The following SLC44A1 variants were observed in gnomAD, a reference collection of about 807,000 sequenced individuals.
SLC44A1 encodes solute carrier family 44 member 1.
In SLC44A1, 26 loss-of-function variants were observed where a neutral mutation model predicts 79.3. The observed-to-expected ratio is 0.33, with a 90% CI of 0.24 to 0.46. SLC44A1 has a LOEUF of 0.46. Ranked by LOEUF, SLC44A1 falls within the 20% of genes least tolerant of loss-of-function variation. SLC44A1 has a pLI of 1.00. For synonymous variants in SLC44A1, 263 were observed against 286.2 expected, an observed-to-expected ratio of 0.92 and a Z score of 0.82; for missense variants, 688 against 798.1, an observed-to-expected ratio of 0.86 and a Z score of 1.66.
chr9:105,336,774 C>T (rs1826937733), intron 4 of SLC44A1, among the ~76,000 whole-genome samples: 1 of 152,198 alleles, frequency 6.6e-6, no homozygotes, highest in African/African-American at 2.4e-5. Flanking sequence ...TGCAGCCTCC[C>T]AGGCTGGCAG....
Position 105,391,151 on chromosome 9 carries a change from G to T in SLC44A1, c.*2095G>T, listed in dbSNP as rs1418227036. ...CAATTTTAAGAGGTGTCCCTCCAAAGTGACCTGATGGAAGTCCTGAACTTG... is the reference window on the plus strand; with the variant it reads ...CAATTTTAAGAGGTGTCCCTCCAAATTGACCTGATGGAAGTCCTGAACTTG... On this transcript the variant is annotated 3_prime_UTR_variant, in exon 16 of 16. Coordinates refer to ENST00000374720, the MANE Select transcript of SLC44A1 (RefSeq NM_080546.5). 2.0e-5 allele frequency: 20 copies of T among 985,584 alleles called. No homozygotes were observed. The allele number at this position is 985,584 out of a possible 1,614,324, so 61.1% of individuals were successfully genotyped here.
rs1055936395 is a variant in SLC44A1, at chr9:105,396,425, G to A, written c.*7369G>A. The A allele has an allele frequency of 1.0e-6, 1 of 985,320 alleles. No homozygotes were observed. The highest frequency in any genetic ancestry group is 1.7e-5 in the African/African-American group (1 of 57,240). The allele number at this position is 985,320 out of a possible 1,614,324, so 61.0% of individuals were successfully genotyped here. A position where few individuals can be genotyped will look rare whatever the true frequency, so the allele number is the denominator to read the frequency against. On this transcript the variant is annotated 3_prime_UTR_variant, in exon 16 of 16. Transcript: ENST00000374720. ...CAAAGACAAAACCCTATCTTCTGAA[G>A]ACCAAAGGTCCAACTTTACTTACTG... is the stretch of plus-strand genomic sequence containing the variant.
intron 3 of SLC44A1, among the ~76,000 whole-genome samples, chr9:105,312,889 T>A (rs1831218432): frequency 6.6e-6 from 1 of 152,154 alleles, no homozygotes; most frequent in Non-Finnish European, 1.5e-5. Flanking sequence ...ATTAAGTTGT[T>A]TAAAATAGGG....
chr9:105,297,444 C>T (rs572105061), intron 1 of SLC44A1, among the ~76,000 whole-genome samples: 31 of 152,182 alleles, frequency 2.0e-4, no homozygotes, highest in Non-Finnish European at 3.4e-4. Context: ...AGTGCAATGG[C>T]GCGATTTTGG....
intron 4 of SLC44A1, among the ~76,000 whole-genome samples, chr9:105,341,803 C>T (rs1588803178): frequency 6.6e-6 from 1 of 152,214 alleles, no homozygotes; most frequent in Non-Finnish European, 1.5e-5. Flanking sequence ...AATTGTTCTC[C>T]AGTCTAACCA....
intron 1 of SLC44A1, among the ~76,000 whole-genome samples, chr9:105,266,564 G>T (rs1829966951): frequency 6.6e-6 from 1 of 152,126 alleles, no homozygotes; most frequent in Non-Finnish European, 1.5e-5. Context: ...TATTGACAAA[G>T]ACTATGTTTT....
intron 1 of SLC44A1, among the ~76,000 whole-genome samples, chr9:105,245,666 A>G (rs7039638): frequency 0.041 from 6,272 of 152,282 alleles, 441 homozygotes; most frequent in African/African-American, 0.14. Flanking sequence ...TTGCCAGTGT[A>G]ACAGGAGGAA....
chr9:105,346,918 A>G (rs1340203515), intron 4 of SLC44A1, among the ~76,000 whole-genome samples: 4 of 152,104 alleles, frequency 2.6e-5, no homozygotes, highest in Non-Finnish European at 5.9e-5. Context: ...TTATCATTAT[A>G]TAAAATATAT....
chr9:105,364,469 A>G (rs1253617244), intron 9 of SLC44A1, 86 bp from the exon 10 acceptor site: 22 of 1,078,734 alleles, frequency 2.0e-5, no homozygotes, highest in Non-Finnish European at 2.7e-5. Context: ...GGCTTGGGGT[A>G]GGGACCTATT....
intron 15 of SLC44A1, among the ~76,000 whole-genome samples, chr9:105,437,476 C>A (rs1016314558): frequency 4.6e-5 from 7 of 151,918 alleles, no homozygotes; most frequent in African/African-American, 1.7e-4. Flanking sequence ...TACTCTCTCT[C>A]TCTCTATATA....
At chr9:105,401,521 A>G (rs1828957462), downstream of SLC44A1, among the ~76,000 whole-genome samples, 1 of 152,200 alleles carries the variant, frequency 6.6e-6, no homozygotes, top group Non-Finnish European at 1.5e-5. Context: ...TCAAATCTAA[A>G]TGGATTTAGG....
intron 12 of SLC44A1, among the ~76,000 whole-genome samples, chr9:105,373,420 GA>G (rs999753125): frequency 1.3e-5 from 2 of 151,368 alleles, no homozygotes; most frequent in Admixed American, 6.6e-5. Context: ...AAAAAGAATG[GA>G]AAAAAAAATC....
chr9:105,319,377 G>C (rs1305082816), intron 3 of SLC44A1, among the ~76,000 whole-genome samples: 1 of 152,182 alleles, frequency 6.6e-6, no homozygotes, highest in African/African-American at 2.4e-5. Context: ...CTCCCTTGGG[G>C]AGAGTGGAGT....
chr9:105,404,165 G>A (rs1828996993), intron 15 of SLC44A1, among the ~76,000 whole-genome samples: 1 of 150,572 alleles, frequency 6.6e-6, no homozygotes, highest in Admixed American at 6.6e-5. Flanking sequence ...AACCTGGGAG[G>A]CGGAGGTTGC....
chr9:105,316,896 A>T (rs2131323322), intron 3 of SLC44A1, among the ~76,000 whole-genome samples: 1 of 152,342 alleles, frequency 6.6e-6, no homozygotes, highest in East Asian at 1.9e-4. Flanking sequence ...ACTGAAGCAA[A>T]TTCATTGCTT....
Position 105,361,196 on chromosome 9 carries a change from A to G in SLC44A1, c.766A>G (p.Thr256Ala). 6.2e-7 allele frequency: 1 copy of G among 1,614,056 alleles called. No homozygotes were observed. The highest frequency in any genetic ancestry group is 8.5e-7 in the Non-Finnish European group (1 of 1,179,904). ...GTTGGGTCTTTTGTCTCCAGGAGGCACAGGTGTACTATGGTGGCTGTATGC... is the reference window on the plus strand; with the variant it reads ...GTTGGGTCTTTTGTCTCCAGGAGGCGCAGGTGTACTATGGTGGCTGTATGC... ...ILVILGSLGG[T>A]GVLWWLYAKQ... The change falls in exon 8 of 16, where the codon ACA (threonine) becomes GCA (alanine). Residue 256 changes from threonine (T) to alanine (A), a missense_variant. Physicochemically the swap from Thr to Ala is moderately conservative, Grantham distance 58. Coordinates refer to ENST00000374720, the MANE Select transcript of SLC44A1 (RefSeq NM_080546.5).
intron 15 of SLC44A1, among the ~76,000 whole-genome samples, chr9:105,433,617 A>G (rs960921219): frequency 2.3e-5 from 2 of 86,942 alleles, no homozygotes; most frequent in Admixed American, 1.4e-4. Context: ...CTGCCACCCC[A>G]CTCCCCCGCC....
intron 1 of SLC44A1, among the ~76,000 whole-genome samples, chr9:105,274,559 T>C (rs1358707686): frequency 1.3e-5 from 2 of 152,244 alleles, no homozygotes; most frequent in Non-Finnish European, 1.5e-5. Flanking sequence ...TATTGTTAAC[T>C]AAGTGTTTCA....
intron 15 of SLC44A1, among the ~76,000 whole-genome samples, chr9:105,405,319 TAA>T (rs974280311): frequency 1.8e-4 from 23 of 129,744 alleles, no homozygotes; most frequent in Non-Finnish European, 1.7e-4. Flanking sequence ...AGACTCCATT[TAA>T]AAAAAAAAAA....
Sources: allele counts gnomAD v4.1 joint callset (sites outside exome capture counted in the v4.1 genomes callset), GRCh38; gene constraint gnomAD v4.1.1; transcripts MANE v1.5; gene names NCBI Gene and HGNC (gene_info 2026-07-23, HGNC 2026-07-21).